ANKRD44: variants seen among roughly 807,000 people sequenced by gnomAD.
ANKRD44 encodes ankyrin repeat domain 44.
In ANKRD44, 35 loss-of-function variants were observed where a neutral mutation model predicts 116.0. That is an observed-to-expected ratio of 0.30 (90% CI 0.23 to 0.40). The LOEUF is 0.40. ANKRD44 is among the 10% of genes least tolerant of loss of function. The pLI is 1.00. For synonymous variants in ANKRD44, 435 were observed against 461.8 expected, an observed-to-expected ratio of 0.94 and a Z score of 0.74; for missense variants, 1,014 against 1,242.6, an observed-to-expected ratio of 0.82 and a Z score of 2.77.
chr2:197,010,711 T>C (rs4569497), intron 18 of ANKRD44, among the ~76,000 whole-genome samples: 138,577 of 152,250 alleles, frequency 0.91, 63,135 homozygotes, highest in East Asian at 1. Flanking sequence ...AAATTCCAAA[T>C]GTGACCTTCT....
Position 197,035,782 on chromosome 2 carries a change from C to T in ANKRD44, c.1651-10515G>A, listed in dbSNP as rs115602854. Among the ~76,000 whole-genome samples, 353 of 149,606 alleles carry T rather than the reference C, an allele frequency of 2.4e-3. 1 individual carries two copies. The highest frequency in any genetic ancestry group is 7.8e-3 in the African/African-American group (322 of 41,344). On this transcript the variant is annotated intron_variant, in intron 16 of 27. Coordinates refer to ENST00000282272, the MANE Select transcript of ANKRD44 (RefSeq NM_001195144.2). ...TACTCGTCAAGCTATGACCTGGCCT[C>T]GGCTCAGCCCAGAACGGGGGGCTGA...
chr2:197,057,301 C>T lies in ANKRD44; in HGVS notation c.1650+21402G>A, dbSNP rs578231193. Among the ~76,000 whole-genome samples the T allele has an allele frequency of 1.8e-4, 28 of 152,236 alleles. No homozygotes were observed. In the South Asian group the frequency reaches 5.2e-3, roughly 28 times the overall value. Reference sequence around the variant, plus strand: ...GGTAAAATACCTTAATTTTCTAATACTGAGCTACCCTTGCATTCCCACTTA... The same window carrying T: ...GGTAAAATACCTTAATTTTCTAATATTGAGCTACCCTTGCATTCCCACTTA... On this transcript the variant is annotated intron_variant, in intron 16 of 27. Transcript: ENST00000282272.
At position 196,989,636 on chromosome 2, in the gene ANKRD44, A is replaced by G; in HGVS notation, c.2937T>C (p.Asn979=). 6.5e-7 allele frequency: 1 copy of G among 1,550,294 alleles called. No individual in the cohort carries two copies. Among genetic ancestry groups the G allele is most frequent in the Non-Finnish European group, 8.7e-7 (1 of 1,146,814 alleles). The change falls in exon 28 of 28, where the codon AAT becomes AAC. Residue 979 remains asparagine (N), a synonymous_variant. Transcript: ENST00000282272. The part of the protein sequence containing the change: ...LAVDENASRS[N]GPRSTPGTAV... ...CGGTTCCAGGTGTGGAACGGGGTCC[A>G]TTTGACCTAGAAGCTTTGGCAGAGG...
intron 21 of ANKRD44, among the ~76,000 whole-genome samples, chr2:196,975,986 A>T (rs988021502): frequency 1.3e-5 from 2 of 152,074 alleles, no homozygotes; most frequent in African/African-American, 2.4e-5. Flanking sequence ...ATACACCATG[A>T]TCAAGTAGGA....
chr2:197,126,158 GGCTCCAGACAAGCCA>G (rs1559084665), intron 4 of ANKRD44, 121 bp from the exon 5 acceptor site: 1 of 888,422 alleles, frequency 1.1e-6, no homozygotes, highest in African/African-American at 1.7e-5. Flanking sequence ...CCTACAGGCT[GGCTCCAGACAAGCCA>G]GGTAATATTT....
intron 1 of ANKRD44, among the ~76,000 whole-genome samples, chr2:197,241,948 T>C (rs1226663058): frequency 6.6e-6 from 1 of 152,200 alleles, no homozygotes; most frequent in African/African-American, 2.4e-5. Flanking sequence ...TGTGCTTTTC[T>C]TCCCAAACCA....
chr2:197,201,844 T>G lies in ANKRD44; in HGVS notation c.28-14738A>C, dbSNP rs2081097998. Among the ~76,000 whole-genome samples the G allele has an allele frequency of 6.6e-6, 1 of 152,218 alleles. No homozygotes were observed. Among genetic ancestry groups the G allele is most frequent in the East Asian group, 1.9e-4 (1 of 5,204 alleles). On this transcript the variant is annotated intron_variant, in intron 1 of 27. Coordinates refer to ENST00000282272, the MANE Select transcript of ANKRD44 (RefSeq NM_001195144.2). The surrounding 1 kb of genome is among the most constrained non-coding windows in gnomAD (Gnocchi z 4.0). ...GCCCTCCTCCCATCCTGCCCCCTTT[T>G]GGGATTCACAGTGTTTACTATTCCC... is the stretch of plus-strand genomic sequence containing the variant.
At chr2:197,290,318 T>C (rs1223179251) in intron 1 of ANKRD44, among the ~76,000 whole-genome samples, 4 of 152,180 alleles carry the variant, frequency 2.6e-5, no homozygotes, top group Non-Finnish European at 4.4e-5. Flanking sequence ...TGGTATCTCA[T>C]TGTGGTTTTA....
At position 197,038,152 on chromosome 2, in the gene ANKRD44, CTT is replaced by C. The variant is rs765079149; in HGVS notation, c.1651-12887_1651-12886del. Among the ~76,000 whole-genome samples the C allele has an allele frequency of 1.1e-3, 171 of 152,142 alleles. 3 individuals are homozygous for C. Among genetic ancestry groups the C allele is most frequent in the Non-Finnish European group, 2.1e-3 (145 of 67,988 alleles). ...GTGGACCTTGAGGTAAACTCTGGGA[CTT>C]TGGGTGATTTTGATGTGTCACTGTA... On this transcript the variant is annotated intron_variant, in intron 16 of 27. Transcript: ENST00000282272.
At chr2:197,132,687 G>T (rs1204802827) in intron 4 of ANKRD44, among the ~76,000 whole-genome samples, 1 of 152,018 alleles carries the variant, frequency 6.6e-6, no homozygotes, top group Non-Finnish European at 1.5e-5. Flanking sequence ...ATGCATAAAA[G>T]ATTATTACCA....
At chr2:197,033,390 G>C (rs748896513) in intron 16 of ANKRD44, among the ~76,000 whole-genome samples, 1 of 152,128 alleles carries the variant, frequency 6.6e-6, no homozygotes, top group Non-Finnish European at 1.5e-5. Context: ...GATAAAAGCC[G>C]AAAGTTAGTA....
chr2:196,992,661 A>G (rs2075942420), intron 27 of ANKRD44: 1 of 152,712 alleles, frequency 6.5e-6, no homozygotes, highest in African/African-American at 2.4e-5. Flanking sequence ...AACTTTCTGC[A>G]CTTCCTAGAT....
chr2:197,220,843 T>C (rs1279249086), intron 1 of ANKRD44, among the ~76,000 whole-genome samples: 5 of 152,204 alleles, frequency 3.3e-5, no homozygotes, highest in African/African-American at 1.2e-4. Context: ...AACTGATAAT[T>C]TGCTATCCCA....
intron 17 of ANKRD44, among the ~76,000 whole-genome samples, chr2:197,017,567 G>A (rs1413915635): frequency 6.6e-6 from 1 of 152,106 alleles, no homozygotes; most frequent in Non-Finnish European, 1.5e-5. Flanking sequence ...ATTTATAATA[G>A]GTAGTATAAC....
At chr2:197,194,239 C>T (rs1445459003) in intron 1 of ANKRD44, among the ~76,000 whole-genome samples, 2 of 152,132 alleles carry the variant, frequency 1.3e-5, no homozygotes, top group African/African-American at 4.8e-5. Flanking sequence ...TCAGCAACCT[C>T]GAAATTGTCA....
chr2:197,125,973 G>T lies in ANKRD44; in HGVS notation c.326C>A (p.Thr109Asn). 6.2e-7 allele frequency: 1 copy of T among 1,614,202 alleles called. No individual in the cohort carries two copies. Among genetic ancestry groups the T allele is most frequent in the East Asian group, 2.2e-5 (1 of 44,874 alleles). Residue 109 changes from threonine (T) to asparagine (N), a missense_variant, in exon 5 of 28, where the codon ACC becomes AAC. Physicochemically the swap from Thr to Asn is moderately conservative, Grantham distance 65 (BLOSUM62 0). Transcript: ENST00000282272. ...DVNARDKNWQTPLHVAAANKA... is the reference protein window; with the variant it reads ...DVNARDKNWQNPLHVAAANKA... ...GTTGGCTGCTGCCACATGAAGAGGG[G>T]TCTGCCAGTTCTTGTCCCTTGCATT...
intron 2 of ANKRD44, among the ~76,000 whole-genome samples, chr2:197,162,242 T>A (rs2079983698): frequency 6.6e-6 from 1 of 152,232 alleles, no homozygotes; most frequent in African/African-American, 2.4e-5. Flanking sequence ...TAAGCACAGC[T>A]GTTCCAACAT....
intron 1 of ANKRD44, among the ~76,000 whole-genome samples, chr2:197,270,542 C>A (rs1296067000): frequency 6.6e-6 from 1 of 152,136 alleles, no homozygotes; most frequent in African/African-American, 2.4e-5. Context: ...CCTTCAGGGA[C>A]ATCCAGGTGG....
chr2:197,020,231 G>A (rs531574045), intron 17 of ANKRD44, among the ~76,000 whole-genome samples: 5 of 152,270 alleles, frequency 3.3e-5, no homozygotes, highest in African/African-American at 7.2e-5. Context: ...TTAGTCTGTC[G>A]CTTAAACTTG....
Sources: allele counts gnomAD v4.1 joint callset (sites outside exome capture counted in the v4.1 genomes callset), GRCh38; gene constraint gnomAD v4.1.1; non-coding constraint Gnocchi (gnomAD v3.1); transcripts MANE v1.5; gene names NCBI Gene and HGNC (gene_info 2026-07-23, HGNC 2026-07-21).